The following GLIS3 variants were observed in gnomAD, a reference collection of about 807,000 sequenced individuals.
GLIS3 encodes zinc finger protein GLIS3.
In GLIS3, 53 loss-of-function variants were observed where a neutral mutation model predicts 78.6. The observed-to-expected ratio is 0.67, with a 90% confidence interval of 0.54 to 0.85. The LOEUF is 0.85. Ranked by LOEUF, GLIS3 falls within the 40% of genes least tolerant of loss-of-function variation. GLIS3 has a pLI of 0.00. For synonymous variants in GLIS3, 684 were observed against 509.9 expected (o/e 1.34, Z -4.60); for missense variants, 1,703 against 1,231.1 (o/e 1.38, Z -5.74).
intron 9 of GLIS3, among the ~76,000 whole-genome samples, chr9:3,829,944 CATCT>C (rs1465231767): frequency 6.6e-6 from 1 of 152,134 alleles, no homozygotes; most frequent in East Asian, 1.9e-4. Context: ...AAAATGCATC[CATCT>C]ATCTGTCTTT....
chr9:3,891,615 T>C (rs1489588925), intron 7 of GLIS3, among the ~76,000 whole-genome samples: 2 of 152,156 alleles, frequency 1.3e-5, no homozygotes, highest in Non-Finnish European at 2.9e-5. Context: ...GGCAGGAGGA[T>C]GACTTGAGCC....
chr9:4,318,101 C>T (rs140555596), intron 2 of GLIS3, among the ~76,000 whole-genome samples: 2 of 152,252 alleles, frequency 1.3e-5, no homozygotes, highest in Non-Finnish European at 2.9e-5. Context: ...AGGAAGCATG[C>T]TTTAAAATGC....
intron 2 of GLIS3, among the ~76,000 whole-genome samples, chr9:4,248,325 G>A (rs956179461): frequency 3.3e-5 from 5 of 152,070 alleles, no homozygotes; most frequent in African/African-American, 1.2e-4. Flanking sequence ...ACTTAGGAGT[G>A]ACAACATGTG....
chr9:4,231,957 G>T (rs985156432), intron 2 of GLIS3, among the ~76,000 whole-genome samples: 1 of 152,124 alleles, frequency 6.6e-6, no homozygotes, highest in East Asian at 1.9e-4. Context: ...TAGGCAATTT[G>T]CCCAACCAAT....
intron 2 of GLIS3, among the ~76,000 whole-genome samples, chr9:4,135,512 T>C (rs1031745177): frequency 6.6e-5 from 10 of 152,198 alleles, no homozygotes; most frequent in Non-Finnish European, 1.2e-4. Flanking sequence ...AAGAATAATG[T>C]CTCTAAGCAT....
At chr9:3,946,967 T>C (rs1368075075) in intron 4 of GLIS3, among the ~76,000 whole-genome samples, 3 of 151,594 alleles carry the variant, frequency 2.0e-5, no homozygotes, top group Non-Finnish European at 3.0e-5. Context: ...GTCAAGCAGT[T>C]TCCCACGACG....
At chr9:4,185,665 G>T (rs1370882095) in intron 2 of GLIS3, among the ~76,000 whole-genome samples, 1 of 152,174 alleles carries the variant, frequency 6.6e-6, no homozygotes, top group East Asian at 1.9e-4. Context: ...TTTGAAGAAG[G>T]GAATCAGTCA....
the GLIS3 span, among the ~76,000 whole-genome samples, chr9:4,397,557 T>G: frequency 1.3e-5 from 2 of 151,320 alleles, no homozygotes; most frequent in Non-Finnish European, 2.9e-5. Context: ...AAGGCTAGTG[T>G]AACCCTGCTG....
intron 2 of GLIS3, among the ~76,000 whole-genome samples, chr9:4,240,578 T>C (rs577017338): frequency 1.3e-5 from 2 of 152,330 alleles, no homozygotes; most frequent in African/African-American, 4.8e-5. Context: ...GGGGTACTAA[T>C]ATTACACTTT....
intron 4 of GLIS3, among the ~76,000 whole-genome samples, chr9:4,037,944 A>C (rs977945847): frequency 2.9e-5 from 4 of 137,644 alleles, no homozygotes; most frequent in African/African-American, 1.1e-4. Context: ...GAGATACAAA[A>C]TCCAGGAAAG....
At chr9:4,315,149 C>T (rs979417786) in intron 2 of GLIS3, among the ~76,000 whole-genome samples, 11 of 152,196 alleles carry the variant, frequency 7.2e-5, no homozygotes, top group African/African-American at 2.7e-4. Context: ...AATTTTGGAT[C>T]TCAGTTAATT....
chr9:4,242,597 A>G (rs1172886853), intron 2 of GLIS3, among the ~76,000 whole-genome samples: 5 of 152,134 alleles, frequency 3.3e-5, no homozygotes, highest in Non-Finnish European at 7.4e-5. Context: ...GGGTTCTAAG[A>G]TTTAAAAGGT....
intron 2 of GLIS3, among the ~76,000 whole-genome samples, chr9:4,154,225 C>T (rs1834889084): frequency 6.6e-6 from 1 of 152,090 alleles, no homozygotes; most frequent in African/African-American, 2.4e-5. Context: ...GGAACCCATG[C>T]AAATTCAAGG....
At chr9:4,227,414 C>T (rs1821867525) in intron 2 of GLIS3, among the ~76,000 whole-genome samples, 1 of 151,938 alleles carries the variant, frequency 6.6e-6, no homozygotes, top group Admixed American at 6.6e-5. Context: ...ATGGAAGAGG[C>T]AGTGACTTTC....
chr9:3,855,845 A>G (rs768922082), intron 9 of GLIS3, 164 bp downstream of exon 9: 8 of 757,866 alleles, frequency 1.1e-5, no homozygotes, highest in Admixed American at 2.1e-5. Flanking sequence ...GGAAAATACC[A>G]TAGGATTTCA....
chr9:4,283,173 G>A (rs1014667188), intron 2 of GLIS3, among the ~76,000 whole-genome samples: 5 of 151,864 alleles, frequency 3.3e-5, no homozygotes, highest in Non-Finnish European at 4.4e-5. Flanking sequence ...CCAAGTATCT[G>A]CCTATATAGC....
At chr9:4,013,070 T>C (rs906510759) in intron 4 of GLIS3, among the ~76,000 whole-genome samples, 1 of 152,052 alleles carries the variant, frequency 6.6e-6, no homozygotes, top group Non-Finnish European at 1.5e-5. Flanking sequence ...GTTTCTTATA[T>C]GGAAATAGAG....
chr9:3,834,664 C>G (rs1278800098), intron 9 of GLIS3, among the ~76,000 whole-genome samples: 1 of 152,126 alleles, frequency 6.6e-6, no homozygotes, highest in Non-Finnish European at 1.5e-5. Context: ...ATCTTAGGCT[C>G]CTGGCCTTCA....
At chr9:4,189,566 G>A (rs913684138) in intron 2 of GLIS3, among the ~76,000 whole-genome samples, 3 of 152,068 alleles carry the variant, frequency 2.0e-5, no homozygotes, top group Non-Finnish European at 4.4e-5. Context: ...TTTCTGTCTC[G>A]TTGATCTGTC....
Sources: allele counts gnomAD v4.1 joint callset (sites outside exome capture counted in the v4.1 genomes callset), GRCh38; gene constraint gnomAD v4.1.1; transcripts MANE v1.5; gene names NCBI Gene and HGNC (gene_info 2026-07-23, HGNC 2026-07-21).